Variants in MACROD2 observed in about 807,000 individuals in gnomAD.
MACROD2 encodes ADP-ribose glycohydrolase MACROD2.
In MACROD2, 36 loss-of-function variants were observed where a neutral mutation model predicts 70.4. The observed-to-expected ratio is 0.51, with a 90% CI of 0.39 to 0.68. MACROD2 has a LOEUF of 0.68. Among genes scored for constraint, MACROD2 ranks in the 30% least tolerant of loss-of-function variants. MACROD2 has a pLI of 0.00. For missense variants in MACROD2, 496 were observed against 538.4 expected (o/e 0.92, Z 0.78); for synonymous variants, 172 against 178.8 (o/e 0.96, Z 0.30).
At chr20:15,746,580 AAAG>A (rs2051187412) in intron 8 of MACROD2, among the ~76,000 whole-genome samples, 1 of 151,390 alleles carries the variant, frequency 6.6e-6, no homozygotes, top group African/African-American at 2.4e-5. Context: ...AAAAAAAAAA[AAAG>A]AAACGGTGAA....
rs1568636164 is a variant in MACROD2, at chr20:15,206,726, T to TTTTTTTTTTTTTTTG, written c.419-23200_419-23199insGTTTTTTTTTTTTTT. On this transcript the variant is annotated intron_variant, in intron 5 of 17. Transcript: ENST00000684519. ...AAGTCTTTCATATTATCTATGTTTT[T>TTTTTTTTTTTTTTTG]TTTTTTTTTTTTTTTTTTTTTGAGA... Among the ~76,000 whole-genome samples the TTTTTTTTTTTTTTTG allele has an allele frequency of 3.1e-3, 189 of 61,636 alleles. 32 individuals carry two copies. Among genetic ancestry groups the TTTTTTTTTTTTTTTG allele is most frequent in the Non-Finnish European group, 5.2e-3 (164 of 31,750 alleles). The allele number at this position is 61,636 out of a possible 152,430, so 40.4% of individuals were successfully genotyped here. A position where few individuals can be genotyped will look rare whatever the true frequency, so the allele number is the denominator to read the frequency against.
intron 3 of MACROD2, among the ~76,000 whole-genome samples, chr20:14,288,973 G>A (rs564040333): frequency 1.3e-5 from 2 of 152,254 alleles, no homozygotes; most frequent in South Asian, 2.1e-4. Context: ...ATGGCTCATG[G>A]GACATATAAA....
intron 7 of MACROD2, among the ~76,000 whole-genome samples, chr20:15,461,006 A>ATATTTTTTTTTT: frequency 3.0e-5 from 2 of 67,016 alleles, no homozygotes; most frequent in African/African-American, 8.4e-5. Context: ...ATATATATAT[A>ATATTTTTTTTTT]TTTTTTTTTA....
intron 3 of MACROD2, among the ~76,000 whole-genome samples, chr20:14,179,134 A>G (rs576091342): frequency 2.0e-5 from 3 of 152,326 alleles, no homozygotes; most frequent in South Asian, 2.1e-4. Context: ...ATATCAGACT[A>G]TGTCTCATGA....
At chr20:15,613,908 G>C (rs2049003162) in intron 8 of MACROD2, among the ~76,000 whole-genome samples, 1 of 152,236 alleles carries the variant, frequency 6.6e-6, no homozygotes, top group African/African-American at 2.4e-5. Context: ...CTGACCTGCT[G>C]CTGTCATGGC....
At chr20:15,006,218 A>C (rs1227872363) in intron 5 of MACROD2, among the ~76,000 whole-genome samples, 3 of 151,188 alleles carry the variant, frequency 2.0e-5, no homozygotes, top group African/African-American at 7.3e-5. Context: ...AAAGAGGGAA[A>C]TCCTGGAGGA....
intron 9 of MACROD2, among the ~76,000 whole-genome samples, chr20:15,874,014 G>A (rs547383063): frequency 9.2e-5 from 14 of 151,824 alleles, no homozygotes; most frequent in African/African-American, 1.7e-4. Context: ...TGCTGTACCC[G>A]TCAACTTGTC....
At chr20:15,363,386 C>A (rs2078375280) in intron 6 of MACROD2, among the ~76,000 whole-genome samples, 1 of 152,166 alleles carries the variant, frequency 6.6e-6, no homozygotes, top group African/African-American at 2.4e-5. Flanking sequence ...TAAACCTATG[C>A]ATGGTGGAAA....
At chr20:14,444,586 T>C (rs1190108327) in intron 3 of MACROD2, among the ~76,000 whole-genome samples, 1 of 152,074 alleles carries the variant, frequency 6.6e-6, no homozygotes, top group Admixed American at 6.5e-5. Flanking sequence ...AGTTACAATC[T>C]ATGTGCTGAT....
chr20:15,479,264 T>TC (rs1353417366), intron 7 of MACROD2, among the ~76,000 whole-genome samples: 1 of 122,418 alleles, frequency 8.2e-6, no homozygotes, highest in East Asian at 2.6e-4. Flanking sequence ...ATTCTCGCTC[T>TC]CTTTTTTTTT....
chr20:15,155,738 G>A (rs370879218), intron 5 of MACROD2, among the ~76,000 whole-genome samples: 2 of 151,956 alleles, frequency 1.3e-5, no homozygotes, highest in Admixed American at 6.6e-5. Context: ...TTAATCTATC[G>A]AATGAATAAC....
At chr20:14,337,297 A>C in intron 3 of MACROD2, 1 of 287,700 alleles carries the variant, frequency 3.5e-6, no homozygotes, top group Non-Finnish European at 6.4e-6. Context: ...TGACAGAGCA[A>C]ACGTTCCTAT....
chr20:14,547,143 C>T (rs1258268290), intron 4 of MACROD2: 3 of 200,022 alleles, frequency 1.5e-5, no homozygotes, highest in Non-Finnish European at 3.0e-5. Context: ...ATCAAAACCA[C>T]CAAAAATGTG....
chr20:15,997,224 C>CT (rs1273861723), intron 15 of MACROD2, among the ~76,000 whole-genome samples: 2 of 151,838 alleles, frequency 1.3e-5, no homozygotes, highest in East Asian at 3.9e-4. Flanking sequence ...GGATTGTTTT[C>CT]TTTTTTTATG....
intron 5 of MACROD2, among the ~76,000 whole-genome samples, chr20:14,969,389 C>CACAT (rs1568903964): frequency 6.8e-6 from 1 of 146,892 alleles, no homozygotes; most frequent in Admixed American, 7.2e-5. Flanking sequence ...CACACACACA[C>CACAT]ACACACACAC....
At chr20:14,362,065 C>T (rs963590314) in intron 3 of MACROD2, among the ~76,000 whole-genome samples, 3 of 152,190 alleles carry the variant, frequency 2.0e-5, no homozygotes, top group Non-Finnish European at 4.4e-5. Context: ...GGCCAAGTGT[C>T]AGCTTCTGTA....
At chr20:14,572,977 C>T (rs1980308853) in intron 4 of MACROD2, among the ~76,000 whole-genome samples, 2 of 151,664 alleles carry the variant, frequency 1.3e-5, no homozygotes, top group African/African-American at 2.4e-5. Context: ...CATGCACCTA[C>T]TTGAGAATTT....
chr20:14,837,938 C>CAAAA (rs546001634), intron 5 of MACROD2, among the ~76,000 whole-genome samples: 1 of 99,680 alleles, frequency 1.0e-5, no homozygotes, highest in Non-Finnish European at 2.4e-5. Context: ...CAGGCACAGC[C>CAAAA]AAAAAACAAA....
chr20:15,836,499 T>C (rs1239950119), intron 8 of MACROD2, among the ~76,000 whole-genome samples: 1 of 152,216 alleles, frequency 6.6e-6, no homozygotes, highest in African/African-American at 2.4e-5. Context: ...TCTCTCCAGA[T>C]ATATAACAAA....
Sources: allele counts gnomAD v4.1 joint callset (sites outside exome capture counted in the v4.1 genomes callset), GRCh38; gene constraint gnomAD v4.1.1; transcripts MANE v1.5; gene names NCBI Gene and HGNC (gene_info 2026-07-23, HGNC 2026-07-21).